The following DAB1 variants were observed in gnomAD, a reference collection of about 807,000 sequenced individuals.
DAB1 encodes the protein disabled homolog 1.
A neutral mutation model predicts 64.6 loss-of-function variants in DAB1; 15 were observed. The ratio of observed to expected loss-of-function variants is 0.23; its 90% CI spans 0.16 to 0.36. The LOEUF is 0.36. Among genes scored for constraint, DAB1 ranks in the 10% least tolerant of loss-of-function variants. DAB1 has a pLI of 1.00. For missense variants in DAB1, 596 were observed against 706.7 expected, an observed-to-expected ratio of 0.84 and a Z score of 1.78; for synonymous variants, 235 against 251.9, an observed-to-expected ratio of 0.93 and a Z score of 0.64.
chr1:57,539,031 G>A, intron 7 of DAB1, among the ~76,000 whole-genome samples: 1 of 152,180 alleles, frequency 6.6e-6, no homozygotes, highest in East Asian at 1.9e-4. Context: ...TGAGAACCTT[G>A]CACACCTCCC....
chr1:57,126,516 T>C (rs1657139670), intron 4 of DAB1, among the ~76,000 whole-genome samples: 1 of 152,144 alleles, frequency 6.6e-6, no homozygotes, highest in African/African-American at 2.4e-5. Flanking sequence ...TTCCCAAAAT[T>C]GTTGTGGCTA....
chr1:57,655,771 A>G lies in DAB1; in HGVS notation n.552-6106T>C, dbSNP rs1173164626. ...GAACAAAAAGTAACTTTTGTAAAAT[A>G]TACAATAGAAATTTAGAGTTTGGAG... On this transcript the variant is annotated intron_variant and non_coding_transcript_variant, in intron 6 of 20. Coordinates refer to the DAB1 transcript ENST00000485760. 2.0e-5 allele frequency among the ~76,000 whole-genome samples: 3 copies of G among 152,350 alleles called. No homozygotes were observed. In the East Asian group the frequency reaches 5.8e-4, roughly 29 times the overall value.
chr1:57,963,946 G>T (rs536779445), intron 5 of DAB1, among the ~76,000 whole-genome samples: 1 of 152,288 alleles, frequency 6.6e-6, no homozygotes, highest in East Asian at 1.9e-4. Flanking sequence ...GTTGTTGTTT[G>T]TATGTTTTTC....
chr1:57,495,995 G>A (rs149849896), intron 7 of DAB1, among the ~76,000 whole-genome samples: 1 of 152,286 alleles, frequency 6.6e-6, no homozygotes, highest in Non-Finnish European at 1.5e-5. Flanking sequence ...CATAGTAGGT[G>A]CTCAATAGAT....
intron 1 of DAB1, among the ~76,000 whole-genome samples, chr1:57,838,206 AT>A (rs1211410899): frequency 6.6e-6 from 1 of 151,932 alleles, no homozygotes; most frequent in Non-Finnish European, 1.5e-5. Context: ...GACTTATAAA[AT>A]GACGCTTTTC....
At chr1:58,533,852 T>C (rs1052634903) in intron 1 of DAB1, 38 of 746,220 alleles carry the variant, frequency 5.1e-5, no homozygotes, top group African/African-American at 8.8e-5. Flanking sequence ...TAAAAGTCTA[T>C]CATTTTTAAA....
At chr1:57,910,580 G>A (rs183774082) in intron 5 of DAB1, among the ~76,000 whole-genome samples, 2 of 152,244 alleles carry the variant, frequency 1.3e-5, no homozygotes, top group East Asian at 1.9e-4. Flanking sequence ...TTAGGGAAAG[G>A]TCAGGGGGAA....
At chr1:57,591,476 ATTT>A (rs1342513325) in intron 7 of DAB1, among the ~76,000 whole-genome samples, 12 of 152,198 alleles carry the variant, frequency 7.9e-5, no homozygotes, top group Admixed American at 7.8e-4. Context: ...AATCAATGTC[ATTT>A]TAGGGAAGTT....
In DAB1 at chr1:57,812,225, G is replaced by A. The variant is rs562216597; in HGVS notation, n.551+71774C>T. On this transcript the variant is annotated intron_variant and non_coding_transcript_variant, in intron 6 of 20. Transcript: ENST00000485760. The stretch of plus-strand genomic sequence containing the variant: ...AAAGATTAGTGTATTCCAGAGGGAA[G>A]AGTCCATGGTCTTTCTTCTGGAAAC... 4.7e-5 allele frequency among the ~76,000 whole-genome samples: 7 copies of A among 150,060 alleles called. No homozygotes were observed. The East Asian group carries it at 1.2e-3, about 25-fold the overall frequency.
At chr1:57,243,476 T>C (rs1044464504) in intron 2 of DAB1, among the ~76,000 whole-genome samples, 4 of 151,348 alleles carry the variant, frequency 2.6e-5, no homozygotes, top group Non-Finnish European at 4.4e-5. Context: ...ATGAGATGCA[T>C]GTGTGTGTGT....
intron 1 of DAB1, among the ~76,000 whole-genome samples, chr1:57,385,129 C>T (rs928548744): frequency 6.6e-6 from 1 of 152,190 alleles, no homozygotes; most frequent in African/African-American, 2.4e-5. Flanking sequence ...CACAGCTGCT[C>T]AGTCTCCAGG....
chr1:57,115,354 A>G (rs1396121301), intron 4 of DAB1, among the ~76,000 whole-genome samples: 2 of 152,188 alleles, frequency 1.3e-5, no homozygotes, highest in South Asian at 2.1e-4. Flanking sequence ...AGTACTTAGC[A>G]TGGGGTTGTC....
chr1:57,409,906 A>T (rs778034951), intron 1 of DAB1, among the ~76,000 whole-genome samples: 2 of 152,216 alleles, frequency 1.3e-5, no homozygotes, highest in Non-Finnish European at 2.9e-5. Context: ...GTGGGATTTG[A>T]CAAGGAATTA....
chr1:57,756,162 A>G (rs1648795452), intron 6 of DAB1, among the ~76,000 whole-genome samples: 1 of 152,196 alleles, frequency 6.6e-6, no homozygotes, highest in East Asian at 1.9e-4. Flanking sequence ...CAGAAAATTG[A>G]GGGCTGCCTA....
intron 2 of DAB1, among the ~76,000 whole-genome samples, chr1:57,219,514 A>G (rs1178320194): frequency 6.6e-6 from 1 of 152,212 alleles, no homozygotes; most frequent in African/African-American, 2.4e-5. Flanking sequence ...CACACCCTTG[A>G]GGGCTAGGGG....
intron 4 of DAB1, among the ~76,000 whole-genome samples, chr1:57,077,638 G>T (rs574246457): frequency 6.6e-6 from 1 of 152,222 alleles, no homozygotes; most frequent in African/African-American, 2.4e-5. Flanking sequence ...ATTTACCAGT[G>T]TTTAAATGAA....
At chr1:57,431,782 G>A (rs781370497) in intron 7 of DAB1, among the ~76,000 whole-genome samples, 235 of 152,264 alleles carry the variant, frequency 1.5e-3, no homozygotes, top group Middle Eastern at 0.01. Context: ...ATAAAGTGGA[G>A]CTTAAGGTGA....
chr1:57,683,884 G>A (rs1646665172), intron 6 of DAB1, among the ~76,000 whole-genome samples: 1 of 152,112 alleles, frequency 6.6e-6, no homozygotes, highest in East Asian at 1.9e-4. Flanking sequence ...AACAATCCAA[G>A]AGCTGAAAGA....
At chr1:57,261,384 G>T (rs75033103) in intron 2 of DAB1, among the ~76,000 whole-genome samples, 1 of 151,934 alleles carries the variant, frequency 6.6e-6, no homozygotes, top group Non-Finnish European at 1.5e-5. Context: ...TTTCTCCCTC[G>T]CCCCAATCCA....
Sources: gnomAD v4.1 joint callset for allele counts (sites outside exome capture counted in the v4.1 genomes callset) on GRCh38, gnomAD v4.1.1 for gene constraint, MANE v1.5 for transcripts, NCBI Gene and HGNC (gene_info 2026-07-23, HGNC 2026-07-21) for gene names.